The following FARP1 variants were observed in gnomAD, a reference collection of about 807,000 sequenced individuals.
FARP1 encodes the protein FERM, ARH/RhoGEF and pleckstrin domain protein 1, also known as FERM, ARHGEF and pleckstrin domain-containing protein 1.
FARP1 carries 52 observed loss-of-function variants against 128.8 expected under a neutral mutation model. The ratio of observed to expected loss-of-function variants is 0.40; its 90% CI spans 0.32 to 0.51. FARP1 has a LOEUF of 0.51. Ranked by LOEUF, FARP1 falls within the 20% of genes least tolerant of loss-of-function variation. The pLI, the probability that FARP1 is intolerant of heterozygous loss-of-function variation, is 0.45. For synonymous variants in FARP1, 580 were observed against 551.8 expected, an observed-to-expected ratio of 1.05 and a Z score of -0.72; for missense variants, 1,333 against 1,367.9, an observed-to-expected ratio of 0.97 and a Z score of 0.40.
At chr13:98,327,298 AT>A (rs562689890) in intron 2 of FARP1, among the ~76,000 whole-genome samples, 1 of 151,930 alleles carries the variant, frequency 6.6e-6, no homozygotes, top group African/African-American at 2.4e-5. Context: ...ATTTCACAGG[AT>A]TTTTTTTAAA....
At chr13:98,182,131 T>G (rs1878577723) in intron 1 of FARP1, among the ~76,000 whole-genome samples, 1 of 152,174 alleles carries the variant, frequency 6.6e-6, no homozygotes, top group South Asian at 2.1e-4. Flanking sequence ...CTCCAAAATT[T>G]TATCAGTTAA....
At chr13:98,170,586 G>C (rs1266383811) in intron 1 of FARP1, among the ~76,000 whole-genome samples, 1 of 152,072 alleles carries the variant, frequency 6.6e-6, no homozygotes, top group Non-Finnish European at 1.5e-5. Flanking sequence ...TCTATCTCCT[G>C]ACCTTGTGAT....
intron 2 of FARP1, among the ~76,000 whole-genome samples, chr13:98,214,448 A>G (rs1880939050): frequency 6.6e-6 from 1 of 152,178 alleles, no homozygotes; most frequent in African/African-American, 2.4e-5. Flanking sequence ...CCAACTTACA[A>G]ACAAACTCTG....
At chr13:98,435,544 C>A in intron 18 of FARP1, 32 bp from the exon 19 acceptor site, 1 of 1,576,988 alleles carries the variant, frequency 6.3e-7, no homozygotes, top group South Asian at 1.2e-5. Context: ...CTGCCTTTCC[C>A]GCTGCAGACT....
intron 2 of FARP1, among the ~76,000 whole-genome samples, chr13:98,289,650 G>A (rs1389535784): frequency 6.6e-6 from 1 of 152,166 alleles, no homozygotes; most frequent in Non-Finnish European, 1.5e-5. Flanking sequence ...ATACACAGAT[G>A]CTCAGAGCCC....
chr13:98,444,989 G>A (rs1305247606), intron 24 of FARP1, among the ~76,000 whole-genome samples: 1 of 152,138 alleles, frequency 6.6e-6, no homozygotes, highest in Non-Finnish European at 1.5e-5. Flanking sequence ...TGCCTGCCTG[G>A]CCTGGAATGC....
At chr13:98,245,845 A>G (rs956588951) in intron 2 of FARP1, among the ~76,000 whole-genome samples, 8 of 145,264 alleles carry the variant, frequency 5.5e-5, no homozygotes, top group Admixed American at 4.8e-4. Flanking sequence ...CTCGGCTCAC[A>G]GCAACCTCCG....
intron 16 of FARP1, among the ~76,000 whole-genome samples, chr13:98,414,897 G>C (rs1340607856): frequency 6.6e-6 from 1 of 152,244 alleles, no homozygotes; most frequent in Non-Finnish European, 1.5e-5. Context: ...GGTACCTGCA[G>C]TCTGGTCCTG....
chr13:98,305,925 A>G (rs1240893705), intron 2 of FARP1, among the ~76,000 whole-genome samples: 3 of 151,560 alleles, frequency 2.0e-5, no homozygotes, highest in Non-Finnish European at 4.4e-5. Context: ...CCATTTTTGT[A>G]AAATGTGATT....
rs1363948628 is a variant in FARP1 at position 98,454,208 on chromosome 13, G to C, written c.*5891G>C. On this transcript the variant is annotated 3_prime_UTR_variant, in exon 27 of 27. Coordinates refer to ENST00000319562, the MANE Select transcript of FARP1 (RefSeq NM_005766.4). ...GACAACAGAAGGCAATGCACCCAAA[G>C]ATGCTGATGAGATTTGGGCTACAGT... is the stretch of plus-strand genomic sequence containing the variant. 2.0e-5 allele frequency: 3 copies of C among 152,246 alleles called. No homozygotes were observed. The highest frequency in any genetic ancestry group is 2.0e-4 in the Admixed American group (3 of 15,284). 9.4% of individuals were successfully genotyped at this position (152,246 alleles called of 1,614,324 possible).
intron 1 of FARP1, among the ~76,000 whole-genome samples, chr13:98,210,676 A>G (rs896581872): frequency 6.6e-6 from 1 of 151,728 alleles, no homozygotes; most frequent in East Asian, 1.9e-4. Context: ...CAGCCTCCCG[A>G]GTAGCTGGGA....
intron 1 of FARP1, among the ~76,000 whole-genome samples, chr13:98,209,612 C>T (rs2139308492): frequency 1.4e-5 from 2 of 145,010 alleles, no homozygotes; most frequent in South Asian, 2.2e-4. Context: ...GCCTAGCCAA[C>T]ATGGTGAAAC....
chr13:98,287,208 C>CTTTTTTTTTTTTGTTTTTTTT (rs1885217372), intron 2 of FARP1, among the ~76,000 whole-genome samples: 1 of 75,814 alleles, frequency 1.3e-5, no homozygotes, highest in African/African-American at 6.6e-5. Flanking sequence ...TCAGACATGT[C>CTTTTTTTTTTTTGTTTTTTTT]TTTTTTTTTT....
At chr13:98,342,562 T>C (rs547294210) in intron 2 of FARP1, among the ~76,000 whole-genome samples, 5 of 149,194 alleles carry the variant, frequency 3.4e-5, no homozygotes, top group African/African-American at 9.9e-5. Context: ...TAGCGGGGCA[T>C]GGTGGCAGGT....
intron 3 of FARP1, among the ~76,000 whole-genome samples, chr13:98,353,900 C>T (rs1005267032): frequency 2.0e-5 from 3 of 152,156 alleles, no homozygotes; most frequent in African/African-American, 7.2e-5. Flanking sequence ...ACCATAACAC[C>T]CATGTGAAAT....
chr13:98,258,755 C>G (rs1214031377), intron 2 of FARP1, among the ~76,000 whole-genome samples: 1 of 152,136 alleles, frequency 6.6e-6, no homozygotes, highest in African/African-American at 2.4e-5. Context: ...CATCCTCTGC[C>G]TGACATCTAA....
chr13:98,382,746 C>T (rs368919531), intron 6 of FARP1, among the ~76,000 whole-genome samples: 3 of 151,524 alleles, frequency 2.0e-5, no homozygotes, highest in Non-Finnish European at 2.9e-5. Context: ...TTTTTTTTCT[C>T]GTACTGTTAA....
chr13:98,245,948 T>A (rs1214393653), intron 2 of FARP1, among the ~76,000 whole-genome samples: 2 of 151,790 alleles, frequency 1.3e-5, no homozygotes, highest in Non-Finnish European at 2.9e-5. Context: ...AGCCAACTTT[T>A]TATATTTTAG....
chr13:98,376,625 G>A (rs978069968), intron 5 of FARP1, among the ~76,000 whole-genome samples: 5 of 151,952 alleles, frequency 3.3e-5, no homozygotes, highest in African/African-American at 1.2e-4. Context: ...CTTTCTTTTC[G>A]GTACACACCT....
Sources: gnomAD v4.1 joint callset for allele counts (sites outside exome capture counted in the v4.1 genomes callset) on GRCh38, gnomAD v4.1.1 for gene constraint, MANE v1.5 for transcripts, NCBI Gene and HGNC (gene_info 2026-07-23, HGNC 2026-07-21) for gene names.